Variants in LRRTM4 observed in about 807,000 individuals in gnomAD.
LRRTM4 encodes the protein leucine rich repeat transmembrane neuronal 4, also known as leucine-rich repeat transmembrane neuronal protein 4.
A neutral mutation model predicts 47.6 loss-of-function variants in LRRTM4; 25 were observed. The ratio of observed to expected loss-of-function variants is 0.53; its 90% confidence interval spans 0.38 to 0.73. The LOEUF is 0.73. Ranked by LOEUF, LRRTM4 falls within the 30% of genes least tolerant of loss-of-function variation. The pLI is 0.00. For synonymous variants in LRRTM4, 311 were observed against 269.5 expected, an observed-to-expected ratio of 1.15 and a Z score of -1.51; for missense variants, 638 against 713.4, an observed-to-expected ratio of 0.89 and a Z score of 1.20.
intron 3 of LRRTM4, among the ~76,000 whole-genome samples, chr2:77,327,243 C>T (rs115721362): frequency 5.9e-4 from 89 of 152,098 alleles, no homozygotes; most frequent in African/African-American, 1.7e-3. Context: ...CCTAATTATA[C>T]GGTATAAAAT....
intron 3 of LRRTM4, among the ~76,000 whole-genome samples, chr2:77,081,252 AC>A (rs1680521558): frequency 1.3e-5 from 1 of 76,084 alleles, no homozygotes; most frequent in Admixed American, 1.4e-4. Flanking sequence ...ACAGCAACAC[AC>A]ACACACACAC....
chr2:76,991,517 G>A (rs1295168227), intron 3 of LRRTM4, among the ~76,000 whole-genome samples: 3 of 151,602 alleles, frequency 2.0e-5, no homozygotes, highest in East Asian at 3.9e-4. Flanking sequence ...CAATGCACAC[G>A]AAGTACAAAT....
At chr2:76,779,583 C>A (rs568764165) in intron 3 of LRRTM4, among the ~76,000 whole-genome samples, 2,078 of 149,100 alleles carry the variant, frequency 0.014, 50 homozygotes, top group African/African-American at 0.05. Context: ...AGGATTGCAA[C>A]CCCTGCCTTT....
chr2:77,240,933 C>T (rs1274470751), intron 3 of LRRTM4, among the ~76,000 whole-genome samples: 1 of 151,832 alleles, frequency 6.6e-6, no homozygotes, highest in Non-Finnish European at 1.5e-5. Context: ...AGATATGGAT[C>T]ACGCTTATAG....
chr2:77,040,976 TA>T (rs1357150790), intron 3 of LRRTM4, among the ~76,000 whole-genome samples: 1 of 151,404 alleles, frequency 6.6e-6, no homozygotes, highest in Non-Finnish European at 1.5e-5. Context: ...AAATACACAT[TA>T]TTATAATTAT....
intron 3 of LRRTM4, among the ~76,000 whole-genome samples, chr2:76,848,750 T>G (rs1377299380): frequency 6.6e-6 from 1 of 152,160 alleles, no homozygotes; most frequent in African/African-American, 2.4e-5. Context: ...AAAAAGTTTC[T>G]CTGATTAACA....
chr2:77,437,332 A>T (rs1434878687), intron 3 of LRRTM4, among the ~76,000 whole-genome samples: 7 of 152,208 alleles, frequency 4.6e-5, no homozygotes, highest in African/African-American at 9.6e-5. Context: ...GCTTCCTATT[A>T]TACAGAGATT....
intron 3 of LRRTM4, among the ~76,000 whole-genome samples, chr2:77,401,770 T>TA (rs1673968109): frequency 1.3e-5 from 2 of 151,952 alleles, no homozygotes; most frequent in South Asian, 4.1e-4. Flanking sequence ...TATTTTTGTA[T>TA]TCAGAAGCAG....
chr2:77,346,487 C>T (rs1206365790), intron 3 of LRRTM4, among the ~76,000 whole-genome samples: 2 of 151,884 alleles, frequency 1.3e-5, no homozygotes, highest in Admixed American at 6.6e-5. Context: ...CTGGGGGGGT[C>T]TATGTACTTA....
At chr2:76,830,507 A>AGTGTCTGCGT (rs1671315560) in intron 3 of LRRTM4, among the ~76,000 whole-genome samples, 1 of 119,026 alleles carries the variant, frequency 8.4e-6, no homozygotes, top group Non-Finnish European at 1.7e-5. Context: ...TATGTGTGGC[A>AGTGTCTGCGT]GTGTGTGCGT....
intron 3 of LRRTM4, among the ~76,000 whole-genome samples, chr2:76,891,060 A>G (rs930706529): frequency 6.6e-6 from 1 of 151,826 alleles, no homozygotes; most frequent in African/African-American, 2.4e-5. Flanking sequence ...AGTCAGTTTA[A>G]GGTCCCACTT....
At chr2:77,369,405 G>A (rs971642128) in intron 3 of LRRTM4, among the ~76,000 whole-genome samples, 1 of 151,516 alleles carries the variant, frequency 6.6e-6, no homozygotes, top group African/African-American at 2.4e-5. Flanking sequence ...AGAAAATGGG[G>A]AGATGTAGGT....
At chr2:77,188,423 A>G (rs1490420230) in intron 3 of LRRTM4, among the ~76,000 whole-genome samples, 4 of 152,164 alleles carry the variant, frequency 2.6e-5, no homozygotes, top group Admixed American at 6.6e-5. Context: ...AGTTTCATTA[A>G]TGAAACATAT....
At position 77,126,485 on chromosome 2, in the gene LRRTM4, G is replaced by A. The variant is rs144882515; in HGVS notation, c.1552-377569C>T. 8.8e-3 allele frequency among the ~76,000 whole-genome samples: 1,341 copies of A among 152,198 alleles called. 26 individuals are homozygous for A. The highest frequency in any genetic ancestry group is 0.03 in the African/African-American group (1,250 of 41,534). ...TGTGATATATTTCACCCTGTGCAAT[G>A]AGAGGAAAAAAGTTCTGCATCCAGC... On this transcript the variant is annotated intron_variant, in intron 3 of 3. Transcript: ENST00000409884.
intron 3 of LRRTM4, among the ~76,000 whole-genome samples, chr2:77,062,882 A>G (rs1679833066): frequency 6.6e-6 from 1 of 151,968 alleles, no homozygotes. Flanking sequence ...TGCAAATTGT[A>G]GGATTCAAAC....
rs187681149 is a variant in LRRTM4, at chr2:76,968,251, C to A, written c.1552-219335G>T. Among the ~76,000 whole-genome samples the A allele has an allele frequency of 6.2e-5, 9 of 144,512 alleles. No homozygotes were observed. In the East Asian group the frequency reaches 1.7e-3, roughly 27 times the overall value. 94.8% of individuals were successfully genotyped at this position (144,512 alleles called of 152,430 possible). ...GTAAATTAAAACAACATTGGAAATT[C>A]TTTTTAAAAAAAACAAATCTGGCAA... On this transcript the variant is annotated intron_variant, in intron 3 of 3. Coordinates refer to ENST00000409884, the MANE Select transcript of LRRTM4 (RefSeq NM_001134745.3).
chr2:77,429,273 A>T (rs1675255136), intron 3 of LRRTM4, among the ~76,000 whole-genome samples: 1 of 152,208 alleles, frequency 6.6e-6, no homozygotes, highest in Non-Finnish European at 1.5e-5. Context: ...TATAAGAATA[A>T]GATCTTTTAT....
chr2:77,014,574 G>A lies in LRRTM4; in HGVS notation c.1552-265658C>T, dbSNP rs187674746. ...TGCCTGTAATCCCAGCACTTTGGGAGGCTGAGGTAGGCAGATCGCCTGAGG... is the reference window on the plus strand; with the variant it reads ...TGCCTGTAATCCCAGCACTTTGGGAAGCTGAGGTAGGCAGATCGCCTGAGG... On this transcript the variant is annotated intron_variant, in intron 3 of 3. Transcript: ENST00000409884. Among the ~76,000 whole-genome samples, 813 of 151,434 alleles carry A rather than the reference G, an allele frequency of 5.4e-3. 6 individuals are homozygous for A. Among genetic ancestry groups the A allele is most frequent in the African/African-American group, 0.019 (779 of 41,454 alleles).
intron 3 of LRRTM4, among the ~76,000 whole-genome samples, chr2:76,800,652 C>A (rs1259099534): frequency 7.7e-6 from 1 of 130,576 alleles, no homozygotes; most frequent in African/African-American, 3.0e-5. Context: ...AAACTACCAT[C>A]AGAGTGAACA....
Sources: allele counts gnomAD v4.1 joint callset (sites outside exome capture counted in the v4.1 genomes callset), GRCh38; gene constraint gnomAD v4.1.1; transcripts MANE v1.5; gene names NCBI Gene and HGNC (gene_info 2026-07-23, HGNC 2026-07-21).